PDYN: variants seen among roughly 807,000 people sequenced by gnomAD.
PDYN encodes proenkephalin-B.
Under a neutral mutation model 11.4 loss-of-function variants are expected in PDYN, and 5 were observed. That is an observed-to-expected ratio of 0.44 (90% confidence interval 0.23 to 0.92). PDYN has a LOEUF of 0.92. Among genes scored for constraint, PDYN ranks in the 40% least tolerant of loss-of-function variants. PDYN has a pLI of 0.24. For missense variants in PDYN, 337 were observed against 317.3 expected, an observed-to-expected ratio of 1.06 and a Z score of -0.47; for synonymous variants, 132 against 129.5, an observed-to-expected ratio of 1.02 and a Z score of -0.13.
At chr20:1,989,569 G>A (rs1364687087) in intron 2 of PDYN, among the ~76,000 whole-genome samples, 1 of 152,282 alleles carries the variant, frequency 6.6e-6, no homozygotes, top group South Asian at 2.1e-4. Context: ...TTTCTATATT[G>A]TAGTCAGCTG....
rs1987559590 is a variant in PDYN, at chr20:1,979,212, A to G, written c.*1111T>C. On this transcript the variant is annotated 3_prime_UTR_variant, in exon 4 of 4. Coordinates refer to ENST00000217305, the MANE Select transcript of PDYN (RefSeq NM_024411.5). ...GGTTTTATTTTGAGACATTAAGAGG[A>G]AAGAAGCATTATGGGGATTGAAGAG... The G allele has an allele frequency of 6.6e-6, 1 of 152,274 alleles. No homozygotes were observed. The highest frequency in any genetic ancestry group is 2.4e-5 in the African/African-American group (1 of 41,446). 9.4% of individuals were successfully genotyped at this position (152,274 alleles called of 1,614,324 possible).
Position 1,980,393 on chromosome 20 carries a change from C to T in PDYN, c.695G>A (p.Arg232His), listed in dbSNP as rs774175877. The T allele has an allele frequency of 1.9e-6, 3 of 1,614,154 alleles. No homozygotes were observed. The highest frequency in any genetic ancestry group is 3.3e-5 in the Admixed American group (2 of 60,026). The change falls in exon 4 of 4, where the codon CGC (arginine) becomes CAC (histidine). Residue 232 changes from arginine (R) to histidine (H), a missense_variant. Coordinates refer to ENST00000217305, the MANE Select transcript of PDYN (RefSeq NM_024411.5). ...AGACCGAGTCACCACCTTGAACTGG[C>T]GCCGGAGAAAACCGCCATAGCGCTT... ...NQKRYGGFLR[R>H]QFKVVTRSQE...
At chr20:1,993,220 A>C (rs1390795446) in intron 1 of PDYN, among the ~76,000 whole-genome samples, 1 of 152,150 alleles carries the variant, frequency 6.6e-6, no homozygotes, top group African/African-American at 2.4e-5. Context: ...ATAGGAGAGC[A>C]ACAAGTCCTT....
intron 2 of PDYN, 53 bp from the exon 3 acceptor site, chr20:1,983,156 CTG>C: frequency 6.7e-7 from 1 of 1,496,646 alleles, no homozygotes; most frequent in African/African-American, 1.4e-5. Flanking sequence ...ACTCTGTAGA[CTG>C]TGTTCTGAGC....
chr20:1,982,518 A>G (rs1036893894), intron 3 of PDYN, among the ~76,000 whole-genome samples: 4 of 152,058 alleles, frequency 2.6e-5, no homozygotes, highest in Non-Finnish European at 4.4e-5. Flanking sequence ...GGCCCAGGAG[A>G]GGGTCAAAGC....
At chr20:1,984,430 T>C (rs947760342) in intron 2 of PDYN, among the ~76,000 whole-genome samples, 3 of 152,308 alleles carry the variant, frequency 2.0e-5, no homozygotes, top group Middle Eastern at 3.4e-3. Context: ...TTGGTTGTTG[T>C]TGGTGGTGTG....
intron 2 of PDYN, among the ~76,000 whole-genome samples, chr20:1,988,420 G>C (rs742621): frequency 0.056 from 8,537 of 152,256 alleles, 758 homozygotes; most frequent in African/African-American, 0.19. Context: ...GGGCCCCAGG[G>C]GAAGCATTTC....
chr20:1,985,656 G>A (rs1464203339), intron 2 of PDYN, among the ~76,000 whole-genome samples: 2 of 152,114 alleles, frequency 1.3e-5, no homozygotes, highest in East Asian at 1.9e-4. Context: ...ATAGCAATTC[G>A]AGGCATAAGC....
rs2122296251 is a variant in PDYN, at chr20:1,979,649, A to G, written c.*674T>C. 6.5e-6 allele frequency: 1 copy of G among 154,660 alleles called. No homozygotes were observed. The highest frequency in any genetic ancestry group is 2.0e-4 in the South Asian group (1 of 4,994). The allele number at this position is 154,660 out of a possible 1,614,324, so 9.6% of individuals were successfully genotyped here. ...AGTTCTTCAAGAGGTGCTTTTCTGAACAATGAGGACTCAGAGTACACTGAC... is the reference window on the plus strand; with the variant it reads ...AGTTCTTCAAGAGGTGCTTTTCTGAGCAATGAGGACTCAGAGTACACTGAC... On this transcript the variant is annotated 3_prime_UTR_variant, in exon 4 of 4. Transcript: ENST00000217305.
At chr20:1,991,480 G>C (rs1211988043) in intron 2 of PDYN, among the ~76,000 whole-genome samples, 2 of 152,126 alleles carry the variant, frequency 1.3e-5, no homozygotes, top group African/African-American at 4.8e-5. Context: ...ATGAGGCTGC[G>C]CTTCACAGCA....
chr20:1,986,173 T>C (rs1988175738), intron 2 of PDYN, among the ~76,000 whole-genome samples: 1 of 152,218 alleles, frequency 6.6e-6, no homozygotes, highest in Non-Finnish European at 1.5e-5. Flanking sequence ...ACTGGTGCTG[T>C]TGCCATGCCC....
chr20:1,988,314 G>A (rs1182602429), intron 2 of PDYN, among the ~76,000 whole-genome samples: 1 of 152,170 alleles, frequency 6.6e-6, no homozygotes, highest in Non-Finnish European at 1.5e-5. Flanking sequence ...GGGTTAAAAG[G>A]GGACCCTAGT....
At chr20:1,982,131 C>A (rs1987853878) in intron 3 of PDYN, among the ~76,000 whole-genome samples, 1 of 151,648 alleles carries the variant, frequency 6.6e-6, no homozygotes, top group Non-Finnish European at 1.5e-5. Context: ...GTGGTGGGTG[C>A]CCATAGTCCC....
At chr20:1,985,798 G>A (rs936111323) in intron 2 of PDYN, among the ~76,000 whole-genome samples, 5 of 152,120 alleles carry the variant, frequency 3.3e-5, no homozygotes, top group Admixed American at 6.5e-5. Flanking sequence ...TGTCAGCTGC[G>A]GAGTGGATTA....
chr20:1,982,030 G>A (rs758258431), intron 3 of PDYN, among the ~76,000 whole-genome samples: 15 of 151,786 alleles, frequency 9.9e-5, no homozygotes, highest in Non-Finnish European at 1.6e-4. Flanking sequence ...GCCGAGGTGG[G>A]CAAATCACTT....
At chr20:1,991,608 T>C (rs772807998) in intron 2 of PDYN, among the ~76,000 whole-genome samples, 4 of 152,240 alleles carry the variant, frequency 2.6e-5, no homozygotes, top group Non-Finnish European at 5.9e-5. Flanking sequence ...GGTTTATCAC[T>C]TTGTCAGACC....
chr20:1,991,270 G>T (rs1334502324), intron 2 of PDYN, among the ~76,000 whole-genome samples: 3 of 152,176 alleles, frequency 2.0e-5, no homozygotes, highest in Non-Finnish European at 4.4e-5. Flanking sequence ...AATAGGACAG[G>T]GACCAAATGG....
rs1987707282 is a variant in PDYN, at chr20:1,980,707, C to T, written c.381G>A (p.Glu127=). 4 of 1,614,090 alleles carry T rather than the reference C, an allele frequency of 2.5e-6. No individual in the cohort carries two copies. The highest frequency in any genetic ancestry group is 1.7e-5 in the Admixed American group (1 of 60,008). ...CGTCAGAGAGACCCCTGAGCTTCTCCTCCAGGCTCTTGCTCAGAGTGTTCT... is the reference window on the plus strand; with the variant it reads ...CGTCAGAGAGACCCCTGAGCTTCTCTTCCAGGCTCTTGCTCAGAGTGTTCT... ...TKENTLSKSL[E]EKLRGLSDGF... Residue 127 remains glutamate (E), a synonymous_variant, in exon 4 of 4, where the codon GAG becomes GAA. Coordinates refer to ENST00000217305, the MANE Select transcript of PDYN (RefSeq NM_024411.5).
intron 2 of PDYN, among the ~76,000 whole-genome samples, chr20:1,989,685 A>T (rs771159140): frequency 1.3e-5 from 2 of 152,200 alleles, no homozygotes; most frequent in Non-Finnish European, 2.9e-5. Flanking sequence ...AGCGCATATG[A>T]TTACCCCTAT....
Sources: gnomAD v4.1 joint callset for allele counts (sites outside exome capture counted in the v4.1 genomes callset) on GRCh38, gnomAD v4.1.1 for gene constraint, MANE v1.5 for transcripts, NCBI Gene and HGNC (gene_info 2026-07-23, HGNC 2026-07-21) for gene names.